GNAQ: variants seen among roughly 807,000 people sequenced by gnomAD.
GNAQ encodes guanine nucleotide-binding protein G(q) subunit alpha.
Under a neutral mutation model 43.9 loss-of-function variants are expected in GNAQ, and 8 were observed. That is an observed-to-expected ratio of 0.18 (90% CI 0.11 to 0.33). GNAQ has a LOEUF of 0.33. Among genes scored for constraint, GNAQ ranks in the 10% least tolerant of loss-of-function variants. GNAQ has a pLI of 1.00. For synonymous variants in GNAQ, 155 were observed against 170.7 expected (o/e 0.91, Z 0.71); for missense variants, 158 against 450.8 (o/e 0.35, Z 5.88).
intron 5 of GNAQ, among the ~76,000 whole-genome samples, chr9:77,750,539 C>T (rs563455509): frequency 1.6e-3 from 251 of 152,254 alleles, no homozygotes; most frequent in African/African-American, 5.5e-3. Flanking sequence ...ATACAGAAGT[C>T]GACCTCATAA....
At chr9:77,908,953 A>G (rs917019923) in intron 2 of GNAQ, among the ~76,000 whole-genome samples, 15 of 152,218 alleles carry the variant, frequency 9.9e-5, no homozygotes, top group Non-Finnish European at 1.9e-4. Context: ...AATGTTCTCA[A>G]CCTCACATTC....
At chr9:77,922,005 T>G (rs1292460628) in intron 2 of GNAQ, among the ~76,000 whole-genome samples, 156 bp downstream of exon 2, 1 of 152,232 alleles carries the variant, frequency 6.6e-6, no homozygotes, top group Admixed American at 6.5e-5. Context: ...CAATAACTTA[T>G]TATCTATTAA....
At chr9:77,985,514 G>A (rs1387387562) in intron 1 of GNAQ, among the ~76,000 whole-genome samples, 1 of 152,106 alleles carries the variant, frequency 6.6e-6, no homozygotes, top group African/African-American at 2.4e-5. Flanking sequence ...AAAAGTACAA[G>A]GTGTTAAGCT....
At chr9:77,804,848 T>A (rs1826801745) in intron 3 of GNAQ, among the ~76,000 whole-genome samples, 1 of 152,086 alleles carries the variant, frequency 6.6e-6, no homozygotes, top group Non-Finnish European at 1.5e-5. Context: ...TTTTAATTAT[T>A]GAAAAGAAGG....
At chr9:77,762,215 C>G (rs1437884707) in intron 5 of GNAQ, among the ~76,000 whole-genome samples, 20 of 140,044 alleles carry the variant, frequency 1.4e-4, no homozygotes, top group Non-Finnish European at 4.7e-5. Flanking sequence ...AGGAGCCCCT[C>G]TGCCCGGCCA....
At chr9:77,910,060 T>A (rs141390541) in intron 2 of GNAQ, among the ~76,000 whole-genome samples, 1 of 152,240 alleles carries the variant, frequency 6.6e-6, no homozygotes, top group East Asian at 1.9e-4. Flanking sequence ...GGCAAAACAA[T>A]ATAATAAAGA....
At chr9:77,988,264 AAC>A (rs2118514408) in intron 1 of GNAQ, among the ~76,000 whole-genome samples, 1 of 152,356 alleles carries the variant, frequency 6.6e-6, no homozygotes, top group South Asian at 2.1e-4. Context: ...ACAGAGGAAT[AAC>A]ACAGTTGCTT....
At chr9:77,742,241 A>G (rs1825663839) in intron 5 of GNAQ, among the ~76,000 whole-genome samples, 1 of 152,218 alleles carries the variant, frequency 6.6e-6, no homozygotes, top group South Asian at 2.1e-4. Context: ...ACAAGCTTTG[A>G]GAAAAAAATG....
At chr9:77,846,691 A>T (rs1331730334) in intron 2 of GNAQ, among the ~76,000 whole-genome samples, 1 of 152,128 alleles carries the variant, frequency 6.6e-6, no homozygotes, top group Non-Finnish European at 1.5e-5. Context: ...TTTTAACCTA[A>T]ATATAGTGAA....
chr9:78,021,693 C>G lies in GNAQ; in HGVS notation c.136+9407G>C, dbSNP rs1046153089. Among the ~76,000 whole-genome samples, 8 of 152,276 alleles carry G rather than the reference C, an allele frequency of 5.3e-5. No individual in the cohort carries two copies. The East Asian group carries it at 1.5e-3, about 29-fold the overall frequency. On this transcript the variant is annotated intron_variant, in intron 1 of 6. Coordinates refer to ENST00000286548, the MANE Select transcript of GNAQ (RefSeq NM_002072.5). ...GCCAGCCAGCTGTCACTGAAAATGGCAGAGATGGGCTTGGGCAACAAGATT... is the reference window on the plus strand; with the variant it reads ...GCCAGCCAGCTGTCACTGAAAATGGGAGAGATGGGCTTGGGCAACAAGATT...
intron 2 of GNAQ, among the ~76,000 whole-genome samples, chr9:77,895,453 T>A (rs1828484274): frequency 6.6e-6 from 1 of 152,120 alleles, no homozygotes; most frequent in Admixed American, 6.5e-5. Context: ...CACTGTACTA[T>A]CCTGCTGCTA....
chr9:77,808,665 A>G (rs985420505), intron 3 of GNAQ, among the ~76,000 whole-genome samples: 35 of 152,132 alleles, frequency 2.3e-4, no homozygotes, highest in Admixed American at 2.3e-3. Context: ...GTCAACTCCA[A>G]CAGAATCAAA....
At chr9:77,751,811 C>A (rs1317801537) in intron 5 of GNAQ, among the ~76,000 whole-genome samples, 4 of 151,956 alleles carry the variant, frequency 2.6e-5, no homozygotes, top group African/African-American at 9.7e-5. Context: ...AACAAACAAA[C>A]AAACAAAAAA....
intron 2 of GNAQ, among the ~76,000 whole-genome samples, chr9:77,909,209 A>C (rs543793945): frequency 1.3e-5 from 2 of 152,354 alleles, no homozygotes; most frequent in South Asian, 4.1e-4. Flanking sequence ...GATCAAGGTC[A>C]ACTGAAAGGT....
chr9:77,921,892 T>C (rs990274689), intron 2 of GNAQ, among the ~76,000 whole-genome samples: 10 of 152,210 alleles, frequency 6.6e-5, no homozygotes, highest in Non-Finnish European at 1.5e-4. Flanking sequence ...CCTGAAAATA[T>C]TTATTGCTGA....
rs942560193 is a variant in GNAQ at position 77,885,589 on chromosome 9, C to G, written c.321+36572G>C. 5.3e-5 allele frequency among the ~76,000 whole-genome samples: 8 copies of G among 152,236 alleles called. No individual in the cohort carries two copies. The South Asian group carries it at 1.2e-3, about 24-fold the overall frequency. Reference sequence around the variant, plus strand: ...CAGTAGCTACAGCATTCTACATTTACAGCCCACAAAAACAATCCTTTGCTT... The same window carrying G: ...CAGTAGCTACAGCATTCTACATTTAGAGCCCACAAAAACAATCCTTTGCTT... On this transcript the variant is annotated intron_variant, in intron 2 of 6. Transcript: ENST00000286548.
intron 2 of GNAQ, among the ~76,000 whole-genome samples, chr9:77,860,717 C>T (rs1827836132): frequency 6.6e-6 from 1 of 152,106 alleles, no homozygotes; most frequent in East Asian, 1.9e-4. Flanking sequence ...ATGTTCGGGA[C>T]CCCTTCCATA....
intron 5 of GNAQ, among the ~76,000 whole-genome samples, chr9:77,782,638 T>A (rs1037082221): frequency 4.6e-5 from 7 of 152,222 alleles, no homozygotes; most frequent in Admixed American, 3.9e-4. Context: ...CCAGCAATCA[T>A]GCTCCTTGGT....
intron 2 of GNAQ, among the ~76,000 whole-genome samples, chr9:77,883,674 G>A (rs1828254873): frequency 1.3e-5 from 2 of 151,194 alleles, no homozygotes; most frequent in Admixed American, 1.3e-4. Flanking sequence ...GGCATTCCCA[G>A]TATCTATTAT....
Sources: allele counts gnomAD v4.1 joint callset (sites outside exome capture counted in the v4.1 genomes callset), GRCh38; gene constraint gnomAD v4.1.1; transcripts MANE v1.5; gene names NCBI Gene and HGNC (gene_info 2026-07-23, HGNC 2026-07-21).